The following UGT1A9 variants were observed in gnomAD, a reference collection of about 807,000 sequenced individuals.
UGT1A9 encodes UDP-glucuronosyltransferase 1A9.
In UGT1A9, 35 loss-of-function variants were observed where a neutral mutation model predicts 45.0. The observed-to-expected ratio is 0.78, with a 90% CI of 0.59 to 1.03. The LOEUF (loss-of-function observed/expected upper bound fraction) is 1.03. Ranked by LOEUF, UGT1A9 falls within the 50% of genes least tolerant of loss-of-function variation. The pLI is 0.00. For synonymous variants in UGT1A9, 278 were observed against 250.6 expected (o/e 1.11, Z -1.03); for missense variants, 687 against 666.6 (o/e 1.03, Z -0.34).
intron 1 of UGT1A9, among the ~76,000 whole-genome samples, chr2:233,751,179 A>G (rs1253259700): frequency 9.9e-5 from 15 of 151,976 alleles, no homozygotes; most frequent in African/African-American, 3.6e-4. Flanking sequence ...GATATGAGAC[A>G]TGAAGTTAAA....
rs542172440 is a variant in UGT1A9 at position 233,772,689 on chromosome 2, A to C, written c.*130A>C. ...CTTTGCATAAATTAATCAGCCCCAG[A>C]GTGCTTTAAAAAATTCTCTTAAATA... On this transcript the variant is annotated 3_prime_UTR_variant, in exon 5 of 5. Transcript: ENST00000354728. 4.0e-6 allele frequency: 6 copies of C among 1,492,458 alleles called. No homozygotes were observed. In the African/African-American group the frequency reaches 8.5e-5, roughly 21 times the overall value. 92.5% of individuals were successfully genotyped at this position (1,492,458 alleles called of 1,614,324 possible). A position where few individuals can be genotyped will look rare whatever the true frequency, so the allele number is the denominator to read the frequency against.
chr2:233,682,918 C>A (rs2074606879), intron 1 of UGT1A9: 2 of 1,480,400 alleles, frequency 1.4e-6, no homozygotes, highest in Non-Finnish European at 1.8e-6. Flanking sequence ...TTAAGGAATT[C>A]TTTTGTACCA....
In UGT1A9 at chr2:233,685,280, G is replaced by A. The variant is rs141032046; in HGVS notation, c.855+12491G>A. Among the ~76,000 whole-genome samples the A allele has an allele frequency of 1.9e-3, 285 of 152,202 alleles. 2 individuals are homozygous for A. The highest frequency in any genetic ancestry group is 6.4e-3 in the African/African-American group (266 of 41,544). On this transcript the variant is annotated intron_variant, in intron 1 of 4. Transcript: ENST00000354728. ...ACTCCTGACCTCAAGTGATCCGCCC[G>A]CCTCCGCCTTTCAAAGTGTTGAGAT... is the stretch of plus-strand genomic sequence containing the variant.
chr2:233,765,361 G>A (rs1166048656), intron 1 of UGT1A9, among the ~76,000 whole-genome samples: 1 of 152,180 alleles, frequency 6.6e-6, no homozygotes, highest in Non-Finnish European at 1.5e-5. Context: ...CAACCCAGAT[G>A]CCCATCAATG....
chr2:233,718,839 G>A, intron 1 of UGT1A9: 1 of 1,613,658 alleles, frequency 6.2e-7, no homozygotes, highest in Non-Finnish European at 8.5e-7. Context: ...AGGACTCCAG[G>A]TTCCCCTGCC....
At chr2:233,766,659 G>C (rs1373000724) in intron 1 of UGT1A9, among the ~76,000 whole-genome samples, 1 of 152,094 alleles carries the variant, frequency 6.6e-6, no homozygotes, top group Non-Finnish European at 1.5e-5. Context: ...AAGGGACCAC[G>C]CCCTTCCCAG....
In UGT1A9 at chr2:233,736,220, T is replaced by C. The variant is rs542508391; in HGVS notation, c.856-30814T>C. On this transcript the variant is annotated intron_variant, in intron 1 of 4. Coordinates refer to ENST00000354728, the MANE Select transcript of UGT1A9 (RefSeq NM_021027.3). ...GGCTTTCCTTGTTTCTTTTTACTCT[T>C]TTTTCTCTAACCTTGTCTTCTCACT... is the stretch of plus-strand genomic sequence containing the variant. Among the ~76,000 whole-genome samples the C allele has an allele frequency of 2.6e-5, 4 of 152,348 alleles. No homozygotes were observed. The East Asian group carries it at 7.7e-4, about 29-fold the overall frequency.
chr2:233,680,102 C>T (rs929199534), intron 1 of UGT1A9, among the ~76,000 whole-genome samples: 47 of 152,016 alleles, frequency 3.1e-4, no homozygotes, highest in African/African-American at 1.0e-3. Flanking sequence ...GCAATCATAG[C>T]GGCAGAGCTC....
chr2:233,718,709 A>T, intron 1 of UGT1A9: 1 of 1,605,752 alleles, frequency 6.2e-7, no homozygotes, highest in African/African-American at 1.3e-5. Context: ...TTGTCTTCCA[A>T]TTACATGCTG....
At position 233,711,986 on chromosome 2, in the gene UGT1A9, A is replaced by G. The variant is rs576273214; in HGVS notation, c.855+39197A>G. Among the ~76,000 whole-genome samples, 5 of 152,300 alleles carry G rather than the reference A, an allele frequency of 3.3e-5. No individual in the cohort carries two copies. The South Asian group carries it at 1.0e-3, about 32-fold the overall frequency. The stretch of plus-strand genomic sequence containing the variant: ...GAAATTTGAACTAGAGCCCCCACAA[A>G]TTATTCTGTTCTGGAGGAACCATTC... On this transcript the variant is annotated intron_variant, in intron 1 of 4. Transcript: ENST00000354728.
chr2:233,736,730 T>C (rs1173879168), intron 1 of UGT1A9, among the ~76,000 whole-genome samples: 2 of 152,186 alleles, frequency 1.3e-5, no homozygotes, highest in African/African-American at 2.4e-5. Flanking sequence ...TTGATGTTTA[T>C]GCTGTTCCTT....
rs1159793731 is a variant in UGT1A9, at chr2:233,751,025, T to C, written c.856-16009T>C. Reference sequence around the variant, plus strand: ...CCAGAATCCCAAATAGTAGATCCAATAGCTTGCACTGTGTGCCTGGAAAAG... The same window carrying C: ...CCAGAATCCCAAATAGTAGATCCAACAGCTTGCACTGTGTGCCTGGAAAAG... On this transcript the variant is annotated intron_variant, in intron 1 of 4. Transcript: ENST00000354728. 8.6e-5 allele frequency among the ~76,000 whole-genome samples: 13 copies of C among 151,868 alleles called. 1 individual carries two copies. Among genetic ancestry groups the C allele is most frequent in the African/African-American group, 2.2e-4 (9 of 41,208 alleles).
At chr2:233,685,907 C>T (rs973279226) in intron 1 of UGT1A9, among the ~76,000 whole-genome samples, 1 of 152,152 alleles carries the variant, frequency 6.6e-6, no homozygotes, top group Non-Finnish European at 1.5e-5. Context: ...CATTTTCAAT[C>T]CATCATTAAA....
intron 1 of UGT1A9, among the ~76,000 whole-genome samples, chr2:233,722,845 CTTT>C (rs61550889): frequency 7.4e-6 from 1 of 135,338 alleles, no homozygotes. Flanking sequence ...AAGAATGTTT[CTTT>C]TTTTTTTTTT....
At position 233,729,298 on chromosome 2, in the gene UGT1A9, G is replaced by A. The variant is rs140541315; in HGVS notation, c.856-37736G>A. On this transcript the variant is annotated intron_variant, in intron 1 of 4. Transcript: ENST00000354728. ...GGAGCTCCATGCCAGAGGCCACCAG[G>A]CAGTGGTCCTCACCCCAGAGGTGAA... 186 of 1,614,254 alleles carry A rather than the reference G, an allele frequency of 1.2e-4. No individual in the cohort carries two copies. In the African/African-American group the frequency reaches 1.9e-3, roughly 17 times the overall value.
chr2:233,769,535 A>C lies in UGT1A9; in HGVS notation c.1295+1096A>C, dbSNP rs573901660. 3.1e-6 allele frequency: 5 copies of C among 1,612,920 alleles called. No homozygotes were observed. The highest frequency in any genetic ancestry group is 1.7e-5 in the Admixed American group (1 of 60,014). ...TCCCATGGTTACCTCCTTTAGAAAG[A>C]AGCAGCAGTCAGGAAGACAGATGTG... On this transcript the variant is annotated intron_variant, in intron 4 of 4. Coordinates refer to ENST00000354728, the MANE Select transcript of UGT1A9 (RefSeq NM_021027.3). The surrounding 1 kb of genome is among the most constrained non-coding windows in gnomAD (Gnocchi z 4.4).
intron 1 of UGT1A9, chr2:233,740,667 G>T (rs567869462): frequency 6.6e-6 from 1 of 151,914 alleles, no homozygotes; most frequent in East Asian, 1.9e-4. Flanking sequence ...AGAAGGTACA[G>T]GTGTTTCCAT....
chr2:233,743,474 G>T (rs762879751), intron 1 of UGT1A9: 8 of 1,366,712 alleles, frequency 5.9e-6, no homozygotes, highest in Middle Eastern at 2.1e-4. Context: ...CCAAAAGCTG[G>T]AAATTCACTG....
At chr2:233,761,273 T>A (rs748388612) in intron 1 of UGT1A9, 95 of 1,579,546 alleles carry the variant, frequency 6.0e-5, no homozygotes, top group Non-Finnish European at 8.1e-5. Context: ...ATGCCCTCTT[T>A]TGTTAATTTT....
Sources: gnomAD v4.1 joint callset for allele counts (sites outside exome capture counted in the v4.1 genomes callset) on GRCh38, gnomAD v4.1.1 for gene constraint, Gnocchi (gnomAD v3.1) non-coding constraint, MANE v1.5 for transcripts, NCBI Gene and HGNC (gene_info 2026-07-23, HGNC 2026-07-21) for gene names.